Variants in MTBP observed in about 807,000 individuals in gnomAD.
MTBP encodes the protein mdm2-binding protein.
A neutral mutation model predicts 117.0 loss-of-function variants in MTBP; 101 were observed. That is an observed-to-expected ratio of 0.86 (90% CI 0.73 to 1.02). The LOEUF (loss-of-function observed/expected upper bound fraction) is 1.02. MTBP is among the 50% of genes least tolerant of loss of function. The probability of loss-of-function intolerance (pLI) is 0.00; values close to 1 mark genes in which losing one functional copy is unlikely to be tolerated. For synonymous variants in MTBP, 350 were observed against 351.5 expected (o/e 1.00, Z 0.05); for missense variants, 970 against 1,030.9 (o/e 0.94, Z 0.81).
intron 10 of MTBP, among the ~76,000 whole-genome samples, chr8:120,467,013 C>T (rs975377406): frequency 6.6e-6 from 1 of 152,128 alleles, no homozygotes; most frequent in Admixed American, 6.5e-5. Context: ...TCTCAAGAAA[C>T]TTTCATGGTG....
At chr8:120,446,225 A>T (rs1813224141) in intron 1 of MTBP, among the ~76,000 whole-genome samples, 1 of 152,226 alleles carries the variant, frequency 6.6e-6, no homozygotes, top group African/African-American at 2.4e-5. Flanking sequence ...CATTCGTGCT[A>T]ACTGACTGGC....
intron 11 of MTBP, among the ~76,000 whole-genome samples, chr8:120,475,082 A>G (rs1309871645): frequency 6.6e-6 from 1 of 151,128 alleles, no homozygotes; most frequent in East Asian, 1.9e-4. Flanking sequence ...TCCCTAATGG[A>G]GCTTACTTTA....
chr8:120,452,240 ATT>A (rs1432297939), intron 4 of MTBP: 2 of 152,188 alleles, frequency 1.3e-5, no homozygotes, highest in Non-Finnish European at 2.9e-5. Flanking sequence ...TTATTTTAGT[ATT>A]CACATATTAT....
chr8:120,460,561 CA>C (rs1249452383), intron 8 of MTBP, among the ~76,000 whole-genome samples: 1 of 152,132 alleles, frequency 6.6e-6, no homozygotes, highest in Non-Finnish European at 1.5e-5. Flanking sequence ...CCTTCAGTAA[CA>C]AACTCTAATT....
chr8:120,497,543 A>T lies in MTBP; in HGVS notation c.1598A>T (p.Asn533Ile). The T allele has an allele frequency of 6.7e-7, 1 of 1,494,996 alleles. No individual in the cohort carries two copies. The highest frequency in any genetic ancestry group is 9.1e-7 in the Non-Finnish European group (1 of 1,094,880). 92.6% of individuals were successfully genotyped at this position (1,494,996 alleles called of 1,614,324 possible). Residue 533 changes from asparagine to isoleucine, a missense_variant, in exon 14 of 22, where the codon AAT becomes ATT. Transcript: ENST00000305949. ...LRKMDKIKTF[N>I]ILNDFSPVEP... The stretch of plus-strand genomic sequence containing the variant: ...AAGATGGACAAAATTAAAACCTTCA[A>T]TATATTAAATGGTAAGTTTTTTATT...
chr8:120,516,033 T>C lies in MTBP; in HGVS notation c.2088T>C (p.Phe696=). The stretch of plus-strand genomic sequence containing the variant: ...AAACTACCTGCACCAGAGAAAGTTT[T>C]CCAGTACCTACTGTGTTGAGCCCTC... The part of the protein sequence containing the change: ...ETQTTCTRES[F]PVPTVLSPLP... Residue 696 remains phenylalanine (F), a synonymous_variant, in exon 18 of 22, where the codon TTT becomes TTC. Transcript: ENST00000305949. 6.2e-7 allele frequency: 1 copy of C among 1,613,188 alleles called. No individual in the cohort carries two copies.
At chr8:120,501,115 TG>T in intron 14 of MTBP, among the ~76,000 whole-genome samples, 1 of 136,398 alleles carries the variant, frequency 7.3e-6, no homozygotes, top group South Asian at 2.3e-4. Context: ...GGCGTGAACC[TG>T]GGAGGCGGAG....
chr8:120,501,309 C>G (rs533487238), intron 14 of MTBP, among the ~76,000 whole-genome samples: 35 of 152,032 alleles, frequency 2.3e-4, no homozygotes, highest in Non-Finnish European at 4.1e-4. Context: ...TTGCAGTGAG[C>G]GGAGATTGGG....
intron 6 of MTBP, 117 bp from the exon 7 acceptor site, chr8:120,456,436 A>G: frequency 1.6e-6 from 1 of 616,814 alleles, no homozygotes. Flanking sequence ...TATTAATAGG[A>G]AAAATACAGC....
intron 20 of MTBP, among the ~76,000 whole-genome samples, chr8:120,520,007 C>T (rs1484941468): frequency 6.6e-6 from 1 of 152,136 alleles, no homozygotes; most frequent in Non-Finnish European, 1.5e-5. Flanking sequence ...CATCTTGTCA[C>T]TCTACCTTGA....
At position 120,523,272 on chromosome 8, in the gene MTBP, T is replaced by C. The variant is rs760343990; in HGVS notation, c.2677-26T>C. On this transcript the variant is annotated intron_variant, in intron 21 of 21. Transcript: ENST00000305949. ...ACTTGTGTTTTCAAGAGAAATCTTC[T>C]GTAATCATATTTTTTCTCCCCCTAG... The C allele has an allele frequency of 3.4e-6, 5 of 1,477,738 alleles. No individual in the cohort carries two copies. In the South Asian group the frequency reaches 6.4e-5, roughly 19 times the overall value. 91.5% of individuals were successfully genotyped at this position (1,477,738 alleles called of 1,614,324 possible). A position where few individuals can be genotyped will look rare whatever the true frequency, so the allele number is the denominator to read the frequency against.
intron 4 of MTBP, 130 bp downstream of exon 4, chr8:120,451,452 C>A: frequency 1.4e-6 from 1 of 731,448 alleles, no homozygotes; most frequent in Non-Finnish European, 2.1e-6. Context: ...AAATTTTTGA[C>A]TCTCAATTTG....
intron 17 of MTBP, among the ~76,000 whole-genome samples, chr8:120,512,513 A>C (rs1390903294): frequency 6.6e-6 from 1 of 151,834 alleles, no homozygotes; most frequent in Non-Finnish European, 1.5e-5. Context: ...TGTCAAGGAT[A>C]TGTTCTTCAT....
At chr8:120,470,966 A>G (rs777748859) in intron 11 of MTBP, 29 bp downstream of exon 11, 2 of 1,375,612 alleles carry the variant, frequency 1.5e-6, no homozygotes, top group Non-Finnish European at 2.1e-6. Context: ...GGTTGTTTTA[A>G]TGATGCAGCA....
chr8:120,478,143 T>C (rs1005259535), intron 11 of MTBP, among the ~76,000 whole-genome samples: 6 of 152,094 alleles, frequency 3.9e-5, no homozygotes, highest in African/African-American at 1.4e-4. Context: ...CTCATCAAAC[T>C]AACACAAGAA....
intron 17 of MTBP, among the ~76,000 whole-genome samples, chr8:120,510,911 GAAAAA>G (rs948947290): frequency 8.3e-6 from 1 of 120,250 alleles, no homozygotes; most frequent in Non-Finnish European, 1.8e-5. Context: ...CCTGTCTCAA[GAAAAA>G]AAAAAAAAAA....
chr8:120,457,785 G>A (rs1168183423), intron 7 of MTBP, among the ~76,000 whole-genome samples: 4 of 151,846 alleles, frequency 2.6e-5, no homozygotes, highest in African/African-American at 7.3e-5. Flanking sequence ...TTAGCCGGGC[G>A]TGGTGGCAGG....
chr8:120,475,340 ATTT>A (rs1813910381), intron 11 of MTBP, among the ~76,000 whole-genome samples: 1 of 152,076 alleles, frequency 6.6e-6, no homozygotes, highest in Admixed American at 6.6e-5. Flanking sequence ...ACTCAAAAAT[ATTT>A]GTTAAATAAT....
chr8:120,506,443 T>A (rs1814686875), intron 15 of MTBP, among the ~76,000 whole-genome samples: 2 of 152,208 alleles, frequency 1.3e-5, no homozygotes, highest in African/African-American at 4.8e-5. Context: ...TTTTAAGTAG[T>A]TAAAATACTA....
Sources: allele counts gnomAD v4.1 joint callset (sites outside exome capture counted in the v4.1 genomes callset), GRCh38; gene constraint gnomAD v4.1.1; transcripts MANE v1.5; gene names NCBI Gene and HGNC (gene_info 2026-07-23, HGNC 2026-07-21).